The following RFC3 variants were observed in gnomAD, a reference collection of about 807,000 sequenced individuals.
RFC3 encodes the protein A1 38 kDa subunit.
RFC3 carries 41 observed loss-of-function variants against 45.1 expected under a neutral mutation model. The observed-to-expected ratio is 0.91, with a 90% CI of 0.71 to 1.18. RFC3 has a LOEUF of 1.18. Among genes scored for constraint, RFC3 ranks in the 50% most tolerant of loss-of-function variants. The probability of loss-of-function intolerance (pLI) is 0.00; values close to 1 mark genes in which losing one functional copy is unlikely to be tolerated. For missense variants in RFC3, 423 were observed against 428.1 expected (o/e 0.99, Z 0.10); for synonymous variants, 149 against 144.0 (o/e 1.03, Z -0.25).
At chr13:33,912,005 A>T (rs1284859003) in intron 8 of RFC3, among the ~76,000 whole-genome samples, 1 of 152,148 alleles carries the variant, frequency 6.6e-6, no homozygotes, top group African/African-American at 2.4e-5. Flanking sequence ...TATTTGGTTG[A>T]TACAAAAGTA....
intron 8 of RFC3, among the ~76,000 whole-genome samples, chr13:33,904,682 C>T (rs1593681182): frequency 1.3e-5 from 2 of 152,120 alleles, no homozygotes; most frequent in East Asian, 3.9e-4. Context: ...CCATTCAGGC[C>T]CTTCCACAAT....
chr13:33,913,662 G>T (rs2082716169), intron 8 of RFC3, among the ~76,000 whole-genome samples: 1 of 152,072 alleles, frequency 6.6e-6, no homozygotes, highest in Admixed American at 6.6e-5. Flanking sequence ...CTAGCTTATT[G>T]GATTGCTGAA....
intron 8 of RFC3, among the ~76,000 whole-genome samples, chr13:33,889,032 T>C (rs1179726021): frequency 6.6e-6 from 1 of 152,134 alleles, no homozygotes; most frequent in East Asian, 1.9e-4. Flanking sequence ...GCATGAGCCA[T>C]CGCGCCCGGC....
chr13:33,885,012 A>C (rs1024279261), intron 8 of RFC3, among the ~76,000 whole-genome samples: 6 of 152,148 alleles, frequency 3.9e-5, no homozygotes, highest in African/African-American at 1.4e-4. Context: ...CAGGCACTGC[A>C]CCGTGCTGGG....
chr13:33,960,604 GT>G (rs938642105), intron 8 of RFC3, among the ~76,000 whole-genome samples: 4 of 152,204 alleles, frequency 2.6e-5, no homozygotes, highest in African/African-American at 9.7e-5. Context: ...TATCAAAGGT[GT>G]TTTGGGCAGT....
downstream of RFC3, among the ~76,000 whole-genome samples, chr13:33,970,198 T>C (rs1297143457): frequency 6.6e-6 from 1 of 152,198 alleles, no homozygotes; most frequent in East Asian, 1.9e-4. Context: ...TGGTTTTCTT[T>C]TCCTGTGTTA....
chr13:33,942,650 A>C (rs978890803), intron 8 of RFC3, among the ~76,000 whole-genome samples: 2 of 152,222 alleles, frequency 1.3e-5, no homozygotes, highest in Non-Finnish European at 2.9e-5. Flanking sequence ...GTTTATAAAC[A>C]ATACAGGAGC....
intron 8 of RFC3, among the ~76,000 whole-genome samples, chr13:33,899,667 G>A (rs967796651): frequency 2.0e-5 from 3 of 151,810 alleles, no homozygotes; most frequent in Non-Finnish European, 2.9e-5. Context: ...CATAATGCTA[G>A]AAGTCCTGGC....
intron 8 of RFC3, among the ~76,000 whole-genome samples, chr13:33,845,847 G>A (rs773674152): frequency 2.0e-5 from 3 of 152,226 alleles, no homozygotes; most frequent in Non-Finnish European, 2.9e-5. Flanking sequence ...GTTCATAGAT[G>A]TATGGACATT....
intron 8 of RFC3, among the ~76,000 whole-genome samples, chr13:33,956,182 A>G (rs1289493659): frequency 2.0e-5 from 3 of 152,234 alleles, no homozygotes; most frequent in Non-Finnish European, 2.9e-5. Context: ...AGAGGACACA[A>G]AATAAAGAGA....
In RFC3 at chr13:33,821,175, C is replaced by T. The variant is rs1566375516; in HGVS notation, c.131C>T (p.Ser44Leu). The T allele has an allele frequency of 6.2e-7, 1 of 1,613,534 alleles. No individual in the cohort carries two copies. Among genetic ancestry groups the T allele is most frequent in the Non-Finnish European group, 8.5e-7 (1 of 1,179,668 alleles). The change falls in exon 2 of 9, where the codon TCA (serine) becomes TTA (leucine). Residue 44 changes from serine (S) to leucine (L), a missense_variant. Transcript: ENST00000380071. ...CCTCATCTGTTAGTGTACGGACCAT[C>T]AGGTGCTGGAAAAAAGACAAGAATT... ...DFPHLLVYGP[S>L]GAGKKTRIMC...
In RFC3 at chr13:33,852,181, C is replaced by A. The variant is rs531945261; in HGVS notation, c.879+16964C>A. ...GGAATAATTGTTTCCTGTTTCTAAT[C>A]TTTCTTTCCTGGAAGTAAGCTTCAG... On this transcript the variant is annotated intron_variant, in intron 8 of 8. Transcript: ENST00000434425. Among the ~76,000 whole-genome samples the A allele has an allele frequency of 1.7e-4, 26 of 152,286 alleles. 1 individual carries two copies. The highest frequency in any genetic ancestry group is 6.3e-4 in the African/African-American group (26 of 41,572).
chr13:33,905,794 A>G (rs1223869801), intron 8 of RFC3, among the ~76,000 whole-genome samples: 1 of 152,142 alleles, frequency 6.6e-6, no homozygotes, highest in Non-Finnish European at 1.5e-5. Context: ...AAAAAATAAA[A>G]AATAAAAACA....
At chr13:33,964,582 C>T (rs1419602341) in intron 8 of RFC3, among the ~76,000 whole-genome samples, 2 of 152,214 alleles carry the variant, frequency 1.3e-5, no homozygotes, top group Admixed American at 6.5e-5. Flanking sequence ...AGACAAAACA[C>T]ATTTTCCCCT....
At chr13:33,920,164 T>A (rs1339053815) in intron 8 of RFC3, among the ~76,000 whole-genome samples, 1 of 152,098 alleles carries the variant, frequency 6.6e-6, no homozygotes, top group Admixed American at 6.6e-5. Flanking sequence ...ATTTTTAGCA[T>A]CCTTACAGCA....
chr13:33,821,349 A>G, intron 2 of RFC3, 80 bp downstream of exon 2: 4 of 1,348,886 alleles, frequency 3.0e-6, no homozygotes, highest in Non-Finnish European at 4.2e-6. Context: ...CCCCCAACTC[A>G]GTTGCTTCCT....
intron 7 of RFC3, 140 bp from the exon 8 acceptor site, chr13:33,835,008 A>G: frequency 1.8e-6 from 1 of 553,170 alleles, no homozygotes; most frequent in South Asian, 2.7e-5. Flanking sequence ...ATTGTTTGTT[A>G]ATTCATAAAG....
intron 8 of RFC3, among the ~76,000 whole-genome samples, chr13:33,929,278 C>A (rs762039275): frequency 6.6e-6 from 1 of 152,066 alleles, no homozygotes; most frequent in Non-Finnish European, 1.5e-5. Flanking sequence ...GTTGATGTAT[C>A]TTCTTTTCCA....
At chr13:33,872,846 G>C (rs2082421460) in intron 8 of RFC3, among the ~76,000 whole-genome samples, 1 of 141,972 alleles carries the variant, frequency 7.0e-6, no homozygotes, top group African/African-American at 2.7e-5. Context: ...AATGTTTGCA[G>C]GGTGTTGAAT....
Sources: gnomAD v4.1 joint callset for allele counts (sites outside exome capture counted in the v4.1 genomes callset) on GRCh38, gnomAD v4.1.1 for gene constraint, MANE v1.5 for transcripts, NCBI Gene and HGNC (gene_info 2026-07-23, HGNC 2026-07-21) for gene names.